SPAG6: variants seen among roughly 807,000 people sequenced by gnomAD.
SPAG6 encodes the protein sperm-associated antigen 6.
In SPAG6, 49 loss-of-function variants were observed where a neutral mutation model predicts 58.5. The ratio of observed to expected loss-of-function variants is 0.84; its 90% CI spans 0.67 to 1.06. The LOEUF (loss-of-function observed/expected upper bound fraction) is 1.06. Ranked by LOEUF, SPAG6 falls within the 50% of genes least tolerant of loss-of-function variation. SPAG6 has a pLI of 0.00. For missense variants in SPAG6, 560 were observed against 611.3 expected, an observed-to-expected ratio of 0.92 and a Z score of 0.89; for synonymous variants, 233 against 225.6, an observed-to-expected ratio of 1.03 and a Z score of -0.29.
intron 2 of SPAG6, among the ~76,000 whole-genome samples, chr10:22,347,883 T>C (rs945270052): frequency 9.9e-5 from 15 of 152,258 alleles, no homozygotes; most frequent in African/African-American, 2.9e-4. Context: ...TTTCATGTTA[T>C]CGAGATTCAA....
intron 2 of SPAG6, among the ~76,000 whole-genome samples, chr10:22,361,756 T>C (rs947516243): frequency 6.6e-6 from 1 of 152,108 alleles, no homozygotes; most frequent in Admixed American, 6.6e-5. Flanking sequence ...CAAAATATTT[T>C]ACTTCTAAAT....
rs756261551 is a variant in SPAG6, at chr10:22,401,175, A to G, written c.1212A>G (p.Ile404Met). The G allele has an allele frequency of 1.9e-6, 3 of 1,568,564 alleles. No homozygotes were observed. In the Admixed American group the frequency reaches 5.0e-5, roughly 26 times the overall value. The change falls in exon 9 of 11, where the codon ATA becomes ATG. Residue 404 changes from isoleucine to methionine, a missense_variant. Ile to Met is a conservative substitution (Grantham distance 10). Coordinates refer to ENST00000376624, the MANE Select transcript of SPAG6 (RefSeq NM_012443.4). ...TGTATTTCTAGAGTAAAAAAGCCAT[A>G]AAGAATATCCTGCAAAAATGTACCT... ...EDLQVKSKKA[I>M]KNILQKCTYL...
intron 7 of SPAG6, 71 bp from the exon 8 acceptor site, chr10:22,391,658 T>C: frequency 7.2e-7 from 1 of 1,386,974 alleles, no homozygotes; most frequent in South Asian, 1.3e-5. Flanking sequence ...CTTCTCATGT[T>C]TGAGAGACAT....
chr10:22,347,900 C>T (rs1173617745), intron 2 of SPAG6, among the ~76,000 whole-genome samples: 1 of 152,142 alleles, frequency 6.6e-6, no homozygotes, highest in Non-Finnish European at 1.5e-5. Context: ...TCAATTCAAG[C>T]ATTCCTTTAG....
At chr10:22,408,611 G>C (rs1271615065) in intron 9 of SPAG6, among the ~76,000 whole-genome samples, 2 of 151,946 alleles carry the variant, frequency 1.3e-5, no homozygotes, top group African/African-American at 4.8e-5. Flanking sequence ...CCTGCCCCCA[G>C]AGGTGGAGCC....
chr10:22,354,299 G>A (rs1164276282), intron 2 of SPAG6, among the ~76,000 whole-genome samples: 1 of 152,164 alleles, frequency 6.6e-6, no homozygotes, highest in East Asian at 1.9e-4. Context: ...GTAGGGGTTG[G>A]GGCAGGTAAG....
intron 4 of SPAG6, among the ~76,000 whole-genome samples, chr10:22,378,055 C>CT (rs776198268): frequency 0.021 from 2,567 of 122,996 alleles, 59 homozygotes; most frequent in Middle Eastern, 0.037. Flanking sequence ...CTTTTCTTTT[C>CT]TTTTTTTTTT....
chr10:22,346,498 T>TCC (rs1554776433), intron 2 of SPAG6, among the ~76,000 whole-genome samples: 1 of 76,914 alleles, frequency 1.3e-5, no homozygotes, highest in African/African-American at 5.5e-5. Context: ...TTCTTCTTCT[T>TCC]TCTTCTTCTT....
intron 4 of SPAG6, among the ~76,000 whole-genome samples, chr10:22,374,602 T>TTAA (rs1833775195): frequency 1.0e-5 from 1 of 97,154 alleles, no homozygotes; most frequent in African/African-American, 4.1e-5. Flanking sequence ...ACCCTGTATG[T>TTAA]AAAAAAAAAA....
In SPAG6 at chr10:22,356,963, C is replaced by T. The variant is rs185514894; in HGVS notation, c.122-7890C>T. 5.9e-5 allele frequency among the ~76,000 whole-genome samples: 9 copies of T among 152,314 alleles called. No homozygotes were observed. In the East Asian group the frequency reaches 1.3e-3, roughly 23 times the overall value. On this transcript the variant is annotated intron_variant, in intron 2 of 10. Transcript: ENST00000376624. Reference sequence around the variant, plus strand: ...ACTTAAAATCGTTTATTGGATACTTCAGGACTTTTGTCTCTATTTATCTCT... The same window carrying T: ...ACTTAAAATCGTTTATTGGATACTTTAGGACTTTTGTCTCTATTTATCTCT...
At chr10:22,415,448 G>T (rs958506420) in intron 10 of SPAG6, among the ~76,000 whole-genome samples, 1 of 152,126 alleles carries the variant, frequency 6.6e-6, no homozygotes. Context: ...GAATTTCTCA[G>T]TGTAAGAATA....
intron 3 of SPAG6, 27 bp downstream of exon 3, chr10:22,365,046 T>C: frequency 1.3e-6 from 2 of 1,514,266 alleles, no homozygotes; most frequent in South Asian, 2.5e-5. Flanking sequence ...ACTAGTTATA[T>C]GTTTTTTTGT....
chr10:22,389,847 G>A (rs1394677674), intron 7 of SPAG6, among the ~76,000 whole-genome samples: 1 of 152,094 alleles, frequency 6.6e-6, no homozygotes, highest in Non-Finnish European at 1.5e-5. Flanking sequence ...CCTTGCTCTA[G>A]GGCTTTTGCT....
chr10:22,393,339 A>T (rs1564375197), intron 8 of SPAG6, among the ~76,000 whole-genome samples: 1 of 152,234 alleles, frequency 6.6e-6, no homozygotes, highest in East Asian at 1.9e-4. Flanking sequence ...CTAGAGCATA[A>T]ATCATTAATA....
intron 4 of SPAG6, among the ~76,000 whole-genome samples, chr10:22,386,482 TAA>T (rs11323725): frequency 2.2e-4 from 31 of 142,120 alleles, no homozygotes; most frequent in African/African-American, 3.1e-4. Flanking sequence ...CTTACTCTCT[TAA>T]AAAAAAAAAA....
intron 4 of SPAG6, among the ~76,000 whole-genome samples, chr10:22,383,943 A>C (rs1197438934): frequency 6.6e-6 from 1 of 152,172 alleles, no homozygotes; most frequent in Non-Finnish European, 1.5e-5. Flanking sequence ...ACAGACACCA[A>C]GCATAAGAGA....
At chr10:22,408,845 GT>G (rs897251047) in intron 9 of SPAG6, among the ~76,000 whole-genome samples, 3 of 151,746 alleles carry the variant, frequency 2.0e-5, no homozygotes, top group African/African-American at 7.3e-5. Context: ...CTGGTGCTCC[GT>G]TTTTTAAGCC....
intron 9 of SPAG6, 59 bp downstream of exon 9, chr10:22,401,336 T>C: frequency 1.1e-6 from 1 of 905,502 alleles, no homozygotes. Context: ...TTGTTATTTT[T>C]TTTTTCTGTT....
chr10:22,390,241 G>T (rs1381816055), intron 7 of SPAG6, among the ~76,000 whole-genome samples: 2 of 152,122 alleles, frequency 1.3e-5, no homozygotes, highest in African/African-American at 4.8e-5. Flanking sequence ...GCTTTCTGAA[G>T]GGTCACGGTA....
Sources: gnomAD v4.1 joint callset for allele counts (sites outside exome capture counted in the v4.1 genomes callset) on GRCh38, gnomAD v4.1.1 for gene constraint, MANE v1.5 for transcripts, NCBI Gene and HGNC (gene_info 2026-07-23, HGNC 2026-07-21) for gene names.